TTLL7: variants seen among roughly 807,000 people sequenced by gnomAD.
The protein encoded by TTLL7 is tubulin polyglutamylase TTLL7.
TTLL7 carries 53 observed loss-of-function variants against 120.2 expected under a neutral mutation model. That is an observed-to-expected ratio of 0.44 (90% CI 0.35 to 0.55). The LOEUF (loss-of-function observed/expected upper bound fraction) is 0.55, where lower values mean the gene tolerates loss of function less well. Ranked by LOEUF, TTLL7 falls within the 20% of genes least tolerant of loss-of-function variation. The probability of loss-of-function intolerance (pLI) is 0.00; values close to 1 mark genes in which losing one functional copy is unlikely to be tolerated. For synonymous variants in TTLL7, 353 were observed against 351.7 expected (o/e 1.00, Z -0.04); for missense variants, 803 against 1,054.7 (o/e 0.76, Z 3.31).
In TTLL7 at chr1:83,931,213, T is replaced by C. The variant is rs985478989; in HGVS notation, c.1048-1983A>G. Reference sequence around the variant, plus strand: ...GTCTCAAAATTCAACAGCTTGTAAATGCATTAAGAAATGAAAATTATTATA... The same window carrying C: ...GTCTCAAAATTCAACAGCTTGTAAACGCATTAAGAAATGAAAATTATTATA... On this transcript the variant is annotated intron_variant, in intron 9 of 20. Coordinates refer to ENST00000260505, the MANE Select transcript of TTLL7 (RefSeq NM_024686.6). Among the ~76,000 whole-genome samples, 7 of 152,104 alleles carry C rather than the reference T, an allele frequency of 4.6e-5. No homozygotes were observed. In the East Asian group the frequency reaches 1.4e-3, roughly 29 times the overall value.
intron 12 of TTLL7, among the ~76,000 whole-genome samples, 177 bp downstream of exon 12, chr1:83,920,910 G>A (rs996372918): frequency 1.3e-5 from 2 of 152,046 alleles, no homozygotes; most frequent in Non-Finnish European, 1.5e-5. Context: ...CAGGAGCGCT[G>A]TCAAGGCTGA....
At chr1:83,913,609 C>T (rs944569446) in intron 14 of TTLL7, among the ~76,000 whole-genome samples, 1 of 152,150 alleles carries the variant, frequency 6.6e-6, no homozygotes, top group Non-Finnish European at 1.5e-5. Context: ...TGGTAAACAA[C>T]ATAAAATTAA....
At chr1:83,932,468 G>A (rs967804317) in intron 9 of TTLL7, among the ~76,000 whole-genome samples, 11 of 152,074 alleles carry the variant, frequency 7.2e-5, no homozygotes, top group African/African-American at 2.7e-4. Context: ...CTAAGACCCA[G>A]GCTGGAGCAA....
At chr1:83,941,016 A>AACGGAC (rs1354148600) in intron 7 of TTLL7, among the ~76,000 whole-genome samples, 9 of 152,122 alleles carry the variant, frequency 5.9e-5, no homozygotes, top group African/African-American at 2.2e-4. Flanking sequence ...ACTTTAGCCA[A>AACGGAC]ACTGACCTTG....
intron 20 of TTLL7, chr1:83,880,251 T>G (rs1252936114): frequency 1.3e-5 from 2 of 152,020 alleles, no homozygotes; most frequent in Admixed American, 6.6e-5. Flanking sequence ...TTTTAAATAT[T>G]AATGGTTACC....
chr1:83,893,764 C>T (rs892786079), intron 18 of TTLL7, among the ~76,000 whole-genome samples: 1 of 152,092 alleles, frequency 6.6e-6, no homozygotes, highest in Non-Finnish European at 1.5e-5. Context: ...TGAGCAGCAG[C>T]ATTCCTTCCT....
chr1:83,874,511 A>G (rs670284), intron 20 of TTLL7, among the ~76,000 whole-genome samples: 40,480 of 151,840 alleles, frequency 0.27, 6,731 homozygotes, highest in East Asian at 0.6. Context: ...TTGCTGGTTC[A>G]TATGGTAATT....
chr1:83,987,805 T>G (rs778201249), intron 1 of TTLL7, among the ~76,000 whole-genome samples: 25 of 151,754 alleles, frequency 1.6e-4, no homozygotes, highest in Admixed American at 2.6e-4. Context: ...TGACAAGGAG[T>G]TGATACCTAG....
chr1:83,903,596 T>C (rs1170801759), intron 18 of TTLL7, among the ~76,000 whole-genome samples: 1 of 152,048 alleles, frequency 6.6e-6, no homozygotes, highest in East Asian at 1.9e-4. Flanking sequence ...TTAAATCATC[T>C]CTAGATTACT....
At chr1:83,972,718 G>A (rs1454476219) in intron 1 of TTLL7, among the ~76,000 whole-genome samples, 1 of 151,982 alleles carries the variant, frequency 6.6e-6, no homozygotes, top group African/African-American at 2.4e-5. Flanking sequence ...TTCTTTCTCC[G>A]TATCCTCATC....
At chr1:83,946,751 A>T (rs941533162) in intron 6 of TTLL7, among the ~76,000 whole-genome samples, 3 of 152,132 alleles carry the variant, frequency 2.0e-5, no homozygotes, top group Non-Finnish European at 2.9e-5. Flanking sequence ...CTCCCTTTTC[A>T]TTTCTTTCTC....
chr1:83,985,072 A>G (rs1226145626), intron 1 of TTLL7, among the ~76,000 whole-genome samples: 1 of 152,242 alleles, frequency 6.6e-6, no homozygotes, highest in African/African-American at 2.4e-5. Flanking sequence ...GGAGTTTATT[A>G]GGGAGAATTG....
chr1:83,918,957 T>C (rs982534630), intron 13 of TTLL7, among the ~76,000 whole-genome samples: 2 of 152,054 alleles, frequency 1.3e-5, no homozygotes, highest in East Asian at 3.9e-4. Flanking sequence ...TGAGCTACTA[T>C]ATTGAGAGGT....
intron 1 of TTLL7, among the ~76,000 whole-genome samples, chr1:83,978,736 G>C (rs1274924442): frequency 6.6e-6 from 1 of 152,162 alleles, no homozygotes; most frequent in Non-Finnish European, 1.5e-5. Flanking sequence ...AAATGAGAAT[G>C]ATAGCAGAGC....
intron 1 of TTLL7, among the ~76,000 whole-genome samples, chr1:83,982,558 C>T (rs950873925): frequency 1.3e-5 from 2 of 152,024 alleles, no homozygotes; most frequent in African/African-American, 2.4e-5. Flanking sequence ...ACAATAGCCA[C>T]ACACAAAAAA....
At chr1:83,948,120 C>T (rs1337062220) in intron 5 of TTLL7, among the ~76,000 whole-genome samples, 1 of 151,754 alleles carries the variant, frequency 6.6e-6, no homozygotes, top group Non-Finnish European at 1.5e-5. Context: ...TGTGTGCATA[C>T]ATGTACCTAG....
At chr1:83,935,734 G>A (rs1647319627) in intron 8 of TTLL7, among the ~76,000 whole-genome samples, 2 of 151,782 alleles carry the variant, frequency 1.3e-5, no homozygotes, top group African/African-American at 4.8e-5. Flanking sequence ...TTAAATTCAG[G>A]GAATTTGTAA....
At chr1:83,917,489 C>A in intron 14 of TTLL7, 115 bp downstream of exon 14, 1 of 700,922 alleles carries the variant, frequency 1.4e-6, no homozygotes. Context: ...CTGCACTGGG[C>A]ACACAGTCCC....
rs577081993 is a variant in TTLL7, at chr1:83,995,528, G to C, written c.-177+3403C>G. On this transcript the variant is annotated intron_variant, in intron 1 of 20. Coordinates refer to ENST00000260505, the MANE Select transcript of TTLL7 (RefSeq NM_024686.6). ...CCCTTCCCCTTCAACATGATTGGACGCTTCCTAAGGCCTCCCCAGAAGCAG... is the reference window on the plus strand; with the variant it reads ...CCCTTCCCCTTCAACATGATTGGACCCTTCCTAAGGCCTCCCCAGAAGCAG... Among the ~76,000 whole-genome samples the C allele has an allele frequency of 2.6e-5, 4 of 151,812 alleles. No individual in the cohort carries two copies. The South Asian group carries it at 8.4e-4, about 32-fold the overall frequency.
Sources: gnomAD v4.1 joint callset for allele counts (sites outside exome capture counted in the v4.1 genomes callset) on GRCh38, gnomAD v4.1.1 for gene constraint, MANE v1.5 for transcripts, NCBI Gene and HGNC (gene_info 2026-07-23, HGNC 2026-07-21) for gene names.